ITCH: variants seen among roughly 807,000 people sequenced by gnomAD.
ITCH encodes E3 ubiquitin-protein ligase Itchy homolog.
A neutral mutation model predicts 126.8 loss-of-function variants in ITCH; 28 were observed. That is an observed-to-expected ratio of 0.22 (90% CI 0.16 to 0.30). The LOEUF is 0.30. ITCH is among the 10% of genes least tolerant of loss of function. ITCH has a pLI of 1.00. For synonymous variants in ITCH, 342 were observed against 340.0 expected, an observed-to-expected ratio of 1.01 and a Z score of -0.06; for missense variants, 631 against 1,032.4, an observed-to-expected ratio of 0.61 and a Z score of 5.33.
intron 7 of ITCH, among the ~76,000 whole-genome samples, chr20:34,436,127 T>C (rs1254020317): frequency 2.0e-5 from 3 of 152,216 alleles, no homozygotes; most frequent in African/African-American, 4.8e-5. Context: ...TGGAATCCTG[T>C]TTCTGCTGTA....
Position 34,477,868 on chromosome 20 carries a change from T to A in ITCH, c.1658+8T>A. On this transcript the variant is annotated splice_region_variant and intron_variant, in intron 17 of 24. Transcript: ENST00000374864. ...TTATGGAGGTGTAGCAAGGTAGTGA[T>A]AATATGAATACTCAGAACTTAGTTC... 6.2e-7 allele frequency: 1 copy of A among 1,613,326 alleles called. No homozygotes were observed. The highest frequency in any genetic ancestry group is 8.5e-7 in the Non-Finnish European group (1 of 1,179,320).
At position 34,509,198 on chromosome 20, in the gene ITCH, T is replaced by C. The variant is rs1384167824; in HGVS notation, c.*1404T>C. The C allele has an allele frequency of 1.3e-5, 2 of 152,596 alleles. No homozygotes were observed. Among genetic ancestry groups the C allele is most frequent in the African/African-American group, 4.8e-5 (2 of 41,470 alleles). 9.5% of individuals were successfully genotyped at this position (152,596 alleles called of 1,614,324 possible). A position where few individuals can be genotyped will look rare whatever the true frequency, so the allele number is the denominator to read the frequency against. On this transcript the variant is annotated 3_prime_UTR_variant, in exon 25 of 25. Coordinates refer to ENST00000374864, the MANE Select transcript of ITCH (RefSeq NM_031483.7). ...AATGCACTTTGAAGTTCTCTGGAAT[T>C]AATTATTTTAACTTGGCCTAGCTTC...
At chr20:34,483,353 C>T (rs907990583) in intron 20 of ITCH, among the ~76,000 whole-genome samples, 2 of 152,140 alleles carry the variant, frequency 1.3e-5, no homozygotes, top group Non-Finnish European at 2.9e-5. Context: ...GCTCTGCTTC[C>T]CTTACAAAAC....
chr20:34,395,718 G>T (rs142967218), intron 3 of ITCH, among the ~76,000 whole-genome samples: 41 of 152,252 alleles, frequency 2.7e-4, no homozygotes, highest in African/African-American at 9.4e-4. Flanking sequence ...GTGGCCTTTT[G>T]TGTCTTCTTT....
rs1262815311 is a variant in ITCH, at chr20:34,413,844, A to C, written c.440A>C (p.Glu147Ala). 6.2e-7 allele frequency: 1 copy of C among 1,613,648 alleles called. No individual in the cohort carries two copies. The highest frequency in any genetic ancestry group is 8.5e-7 in the Non-Finnish European group (1 of 1,179,688). Residue 147 changes from glutamate to alanine, a missense_variant, in exon 6 of 25, where the codon GAA becomes GCA. By Grantham distance (107) the Glu-to-Ala change is moderately radical. Transcript: ENST00000374864. ...ICLDGLQLES[E>A]VVTNGETTCS... is the part of the protein sequence containing the mutation. ...CTTGATGGGCTACAGTTAGAGTCTG[A>C]AGTTGTTACCAATGGTGAAACTACA... is the stretch of plus-strand genomic sequence containing the variant.
chr20:34,492,539 T>C lies in ITCH; in HGVS notation c.2358T>C (p.Leu786=). ...KEIDNEKRMR[L]LQFVTGTCRL... ...TTGATAATGAGAAGAGAATGAGACT[T>C]CTGCAGTTTGTTACTGGAACCTGCC... The change falls in exon 23 of 25, where the codon CTT becomes CTC. Residue 786 remains leucine (L), a synonymous_variant. Transcript: ENST00000374864. 6.2e-7 allele frequency: 1 copy of C among 1,612,968 alleles called. No individual in the cohort carries two copies. Among genetic ancestry groups the C allele is most frequent in the Non-Finnish European group, 8.5e-7 (1 of 1,178,930 alleles).
chr20:34,465,005 T>C (rs1415196525), intron 14 of ITCH, among the ~76,000 whole-genome samples: 1 of 152,200 alleles, frequency 6.6e-6, no homozygotes, highest in East Asian at 1.9e-4. Flanking sequence ...CCACCGCGCC[T>C]GGCCTGAGAG....
Position 34,507,918 on chromosome 20 carries a change from T to C in ITCH, c.*124T>C, listed in dbSNP as rs1039102962. ...AGAGAGTTATCTGAGTGTAAGTAAATTAATGTTCTCATTTAGATTTATCTC... is the reference window on the plus strand; with the variant it reads ...AGAGAGTTATCTGAGTGTAAGTAAACTAATGTTCTCATTTAGATTTATCTC... On this transcript the variant is annotated 3_prime_UTR_variant, in exon 25 of 25. Coordinates refer to ENST00000374864, the MANE Select transcript of ITCH (RefSeq NM_031483.7). The C allele has an allele frequency of 5.5e-6, 4 of 728,424 alleles. No individual in the cohort carries two copies. Among genetic ancestry groups the C allele is most frequent in the South Asian group, 3.0e-5 (2 of 67,284 alleles). The allele number at this position is 728,424 out of a possible 1,614,324, so 45.1% of individuals were successfully genotyped here.
At chr20:34,422,002 C>G (rs1220986559) in intron 6 of ITCH, among the ~76,000 whole-genome samples, 5 of 152,188 alleles carry the variant, frequency 3.3e-5, no homozygotes, top group Middle Eastern at 3.4e-3. Context: ...GACAATGCAT[C>G]AAGACCCTTT....
chr20:34,462,233 A>G lies in ITCH; in HGVS notation c.1424+12A>G, dbSNP rs777825704. ...GGAAAATCTGCCCTGTAAGTTTTCT[A>G]AACATTGTAGATTAAGAGTAAAATA... On this transcript the variant is annotated intron_variant, in intron 14 of 24. Transcript: ENST00000374864. 8 of 1,612,906 alleles carry G rather than the reference A, an allele frequency of 5.0e-6. No individual in the cohort carries two copies. Among genetic ancestry groups the G allele is most frequent in the East Asian group, 2.2e-5 (1 of 44,828 alleles).
intron 6 of ITCH, among the ~76,000 whole-genome samples, chr20:34,415,640 T>C (rs1355701722): frequency 6.6e-6 from 1 of 152,072 alleles, no homozygotes; most frequent in Non-Finnish European, 1.5e-5. Flanking sequence ...ATTTCTGAAA[T>C]GGTTATACTG....
chr20:34,477,531 GTAAA>G (rs1197912866), intron 16 of ITCH, among the ~76,000 whole-genome samples: 4 of 151,964 alleles, frequency 2.6e-5, no homozygotes, highest in African/African-American at 4.8e-5. Context: ...CTGTCTAAAA[GTAAA>G]TAAATAAATA....
chr20:34,364,938 G>A (rs6059780), intron 1 of ITCH, among the ~76,000 whole-genome samples: 5 of 147,150 alleles, frequency 3.4e-5, no homozygotes, highest in African/African-American at 1.0e-4. Flanking sequence ...GGTGGCTCAC[G>A]CCTGTAATCC....
intron 11 of ITCH, among the ~76,000 whole-genome samples, chr20:34,447,920 G>A (rs190671436): frequency 2.6e-5 from 4 of 152,310 alleles, no homozygotes; most frequent in Admixed American, 2.6e-4. Flanking sequence ...AGAAGAGATA[G>A]CAGGGGAGCT....
intron 1 of ITCH, among the ~76,000 whole-genome samples, chr20:34,368,563 T>C (rs1329168519): frequency 6.6e-6 from 1 of 152,174 alleles, no homozygotes; most frequent in African/African-American, 2.4e-5. Context: ...AGAATTGAAT[T>C]GCAGCATTCT....
At chr20:34,480,362 C>T (rs570337618) in intron 18 of ITCH, among the ~76,000 whole-genome samples, 10 of 151,428 alleles carry the variant, frequency 6.6e-5, no homozygotes, top group Middle Eastern at 3.4e-3. Flanking sequence ...CCACCATGTC[C>T]GGCTAATTTT....
intron 3 of ITCH, among the ~76,000 whole-genome samples, chr20:34,399,791 A>G (rs1601808402): frequency 1.3e-5 from 2 of 152,116 alleles, no homozygotes; most frequent in East Asian, 3.9e-4. Flanking sequence ...CAGTAAGCCA[A>G]GATCGCACCC....
At chr20:34,384,226 T>C (rs569540512) in intron 2 of ITCH, 1 of 142,088 alleles carries the variant, frequency 7.0e-6, no homozygotes, top group Non-Finnish European at 1.5e-5. Flanking sequence ...CTGGTTGTGA[T>C]CAGTTAGTTG....
chr20:34,453,158 A>G (rs923067899), intron 12 of ITCH, among the ~76,000 whole-genome samples: 7 of 152,244 alleles, frequency 4.6e-5, no homozygotes. Flanking sequence ...ACTTCCTCTC[A>G]TTAAGTAGAT....
Sources: gnomAD v4.1 joint callset for allele counts (sites outside exome capture counted in the v4.1 genomes callset) on GRCh38, gnomAD v4.1.1 for gene constraint, MANE v1.5 for transcripts, NCBI Gene and HGNC (gene_info 2026-07-23, HGNC 2026-07-21) for gene names.